Variants in VPS13B observed in about 807,000 individuals in gnomAD.
VPS13B encodes the protein vacuolar protein sorting 13 homolog B, also known as intermembrane lipid transfer protein VPS13B.
A neutral mutation model predicts 426.4 loss-of-function variants in VPS13B; 285 were observed. The ratio of observed to expected loss-of-function variants is 0.67; its 90% confidence interval spans 0.61 to 0.74. VPS13B has a LOEUF of 0.74. VPS13B is among the 30% of genes least tolerant of loss of function. VPS13B has a pLI of 0.00. For missense variants in VPS13B, 4,537 were observed against 4,782.6 expected, an observed-to-expected ratio of 0.95 and a Z score of 1.51; for synonymous variants, 1,676 against 1,676.4, an observed-to-expected ratio of 1.00 and a Z score of 0.01.
intron 33 of VPS13B, among the ~76,000 whole-genome samples, chr8:99,587,946 T>C (rs1826393621): frequency 6.6e-6 from 1 of 151,820 alleles, no homozygotes; most frequent in Non-Finnish European, 1.5e-5. Flanking sequence ...AGGGTTTTCA[T>C]GGTTTTAGGT....
intron 24 of VPS13B, among the ~76,000 whole-genome samples, chr8:99,475,521 C>A (rs924511187): frequency 1.3e-5 from 2 of 152,132 alleles, no homozygotes; most frequent in African/African-American, 4.8e-5. Context: ...TTAAAATTTT[C>A]TTTACTTTGA....
chr8:99,349,406 A>G (rs1006639377), intron 19 of VPS13B, among the ~76,000 whole-genome samples: 1 of 149,160 alleles, frequency 6.7e-6, no homozygotes, highest in African/African-American at 2.5e-5. Flanking sequence ...ATAGTTTCTT[A>G]TTGGAGGTAC....
rs1169642545 is a variant in VPS13B, at chr8:99,254,292, C to T, written c.2516-19906C>T. ...AGAGTGTTTTGTTTTCTCCTTCATT[C>T]CTGAAGTATATTTTTGCTGAATATA... On this transcript the variant is annotated intron_variant, in intron 17 of 61. Transcript: ENST00000357162. 3.3e-5 allele frequency among the ~76,000 whole-genome samples: 5 copies of T among 152,004 alleles called. No homozygotes were observed. The South Asian group carries it at 6.2e-4, about 19-fold the overall frequency.
intron 19 of VPS13B, among the ~76,000 whole-genome samples, chr8:99,304,187 A>C (rs1820519493): frequency 6.6e-6 from 1 of 152,096 alleles, no homozygotes; most frequent in East Asian, 1.9e-4. Flanking sequence ...CATGTAATTA[A>C]AGCATTTAGA....
chr8:99,533,250 A>G (rs1019465242), intron 30 of VPS13B, among the ~76,000 whole-genome samples: 3 of 152,114 alleles, frequency 2.0e-5, no homozygotes, highest in African/African-American at 7.2e-5. Flanking sequence ...ATTTACTGAG[A>G]TTTTTAAAAT....
intron 30 of VPS13B, among the ~76,000 whole-genome samples, chr8:99,540,046 TA>T (rs1823505452): frequency 1.1e-3 from 5 of 4,566 alleles, no homozygotes; most frequent in Non-Finnish European, 1.5e-3. Context: ...TATATATATA[TA>T]TATATATATA....
intron 33 of VPS13B, among the ~76,000 whole-genome samples, chr8:99,595,493 A>G (rs1826964402): frequency 6.6e-6 from 1 of 151,980 alleles, no homozygotes; most frequent in African/African-American, 2.4e-5. Flanking sequence ...AGACCTAAAT[A>G]TAAAGAGCTA....
chr8:99,493,182 A>T (rs1268714785), intron 25 of VPS13B, among the ~76,000 whole-genome samples: 1 of 152,188 alleles, frequency 6.6e-6, no homozygotes, highest in African/African-American at 2.4e-5. Context: ...ATCTATAGTC[A>T]TGAGTGATAC....
intron 22 of VPS13B, among the ~76,000 whole-genome samples, chr8:99,440,505 G>T (rs1012931278): frequency 3.3e-5 from 5 of 151,934 alleles, no homozygotes; most frequent in African/African-American, 1.2e-4. Context: ...AGTGTAAAAA[G>T]ATTTATGTGA....
At chr8:99,302,195 A>G (rs913509368) in intron 19 of VPS13B, among the ~76,000 whole-genome samples, 13 of 152,212 alleles carry the variant, frequency 8.5e-5, no homozygotes, top group African/African-American at 2.9e-4. Context: ...CATAGCTCCA[A>G]ACTGTCTAGC....
At chr8:99,748,174 G>C (rs1006459775) in intron 39 of VPS13B, among the ~76,000 whole-genome samples, 5 of 151,874 alleles carry the variant, frequency 3.3e-5, no homozygotes, top group African/African-American at 1.2e-4. Context: ...TGTCTAAAAA[G>C]CACTCCCCAA....
rs565602899 is a variant in VPS13B, at chr8:99,589,402, G to T, written c.5220+11769G>T. ...CCCAGTGTGTGATGTTCCCCTTCCT[G>T]TGTCCATGTGTTCTCATTGTTCAGT... On this transcript the variant is annotated intron_variant, in intron 33 of 61. Coordinates refer to ENST00000357162, the MANE Select transcript of VPS13B (RefSeq NM_152564.5). Among the ~76,000 whole-genome samples, 43 of 151,414 alleles carry T rather than the reference G, an allele frequency of 2.8e-4. 2 individuals are homozygous for T. The highest frequency in any genetic ancestry group is 1.1e-3 in the African/African-American group (43 of 40,894).
intron 43 of VPS13B, among the ~76,000 whole-genome samples, chr8:99,805,934 T>A (rs1813374136): frequency 6.6e-6 from 1 of 152,080 alleles, no homozygotes; most frequent in Non-Finnish European, 1.5e-5. Flanking sequence ...AGAAAAGAGG[T>A]GAAAGAAAAT....
intron 20 of VPS13B, among the ~76,000 whole-genome samples, chr8:99,386,008 A>G (rs1016237238): frequency 1.3e-5 from 2 of 152,210 alleles, no homozygotes; most frequent in African/African-American, 2.4e-5. Flanking sequence ...AAGAGGAGCT[A>G]TAGGAAATTG....
chr8:99,201,784 T>C (rs1337368969), intron 17 of VPS13B, among the ~76,000 whole-genome samples: 1 of 152,196 alleles, frequency 6.6e-6, no homozygotes, highest in Non-Finnish European at 1.5e-5. Flanking sequence ...TTAGTGAATG[T>C]CTTACTATTT....
At chr8:99,310,183 C>T (rs562569014) in intron 19 of VPS13B, among the ~76,000 whole-genome samples, 2 of 152,218 alleles carry the variant, frequency 1.3e-5, no homozygotes, top group African/African-American at 4.8e-5. Context: ...TTTCTTTCTC[C>T]TGCCTGATTG....
chr8:99,211,331 C>A (rs1334168601), intron 17 of VPS13B, among the ~76,000 whole-genome samples: 4 of 152,136 alleles, frequency 2.6e-5, no homozygotes, highest in Admixed American at 2.6e-4. Context: ...TTGCCGACTT[C>A]TTGCATATCT....
chr8:99,371,161 A>G (rs774432066), intron 19 of VPS13B, among the ~76,000 whole-genome samples: 2 of 152,236 alleles, frequency 1.3e-5, no homozygotes, highest in African/African-American at 2.4e-5. Flanking sequence ...TTAAAAGACT[A>G]CTACCATTTT....
At chr8:99,377,546 G>T (rs1244967434) in intron 19 of VPS13B, among the ~76,000 whole-genome samples, 1 of 152,048 alleles carries the variant, frequency 6.6e-6, no homozygotes, top group African/African-American at 2.4e-5. Flanking sequence ...TGTTGCTGAT[G>T]CTTTCTCATA....
Sources: gnomAD v4.1 joint callset for allele counts (sites outside exome capture counted in the v4.1 genomes callset) on GRCh38, gnomAD v4.1.1 for gene constraint, MANE v1.5 for transcripts, NCBI Gene and HGNC (gene_info 2026-07-23, HGNC 2026-07-21) for gene names.